SSBP3: variants seen among roughly 807,000 people sequenced by gnomAD.
SSBP3 encodes the protein single stranded DNA binding protein 3.
In SSBP3, 5 loss-of-function variants were observed where a neutral mutation model predicts 69.6. The observed-to-expected ratio is 0.07, with a 90% CI of 0.04 to 0.15. SSBP3 has a LOEUF of 0.15. Among genes scored for constraint, SSBP3 ranks in the 10% least tolerant of loss-of-function variants. The pLI is 1.00. For missense variants in SSBP3, 312 were observed against 534.0 expected (o/e 0.58, Z 4.10); for synonymous variants, 196 against 193.4 (o/e 1.01, Z -0.11).
In SSBP3 at chr1:54,255,167, G is replaced by GC. The variant is rs1203581168; in HGVS notation, c.507+1959_507+1960insG. ...TTCTATTGCGGGGGGGCGGGGGGGG[G>GC]GGTGGTTGGCAGGGAGGTTGGGAAA... On this transcript the variant is annotated intron_variant, in intron 7 of 17. Transcript: ENST00000610401. Among the ~76,000 whole-genome samples the GC allele has an allele frequency of 7.5e-4, 105 of 140,786 alleles. 1 individual carries two copies. Among genetic ancestry groups the GC allele is most frequent in the Middle Eastern group, 3.7e-3 (1 of 272 alleles). 92.4% of individuals were successfully genotyped at this position (140,786 alleles called of 152,430 possible).
At chr1:54,391,273 G>A (rs115469111) in intron 4 of SSBP3, among the ~76,000 whole-genome samples, 173 of 152,282 alleles carry the variant, frequency 1.1e-3, no homozygotes, top group African/African-American at 4.0e-3. Flanking sequence ...GAAAAAAGCC[G>A]GCCACTGTTT....
intron 4 of SSBP3, among the ~76,000 whole-genome samples, chr1:54,296,415 T>C (rs1645704409): frequency 6.6e-6 from 1 of 152,218 alleles, no homozygotes. Flanking sequence ...TTTGTCTAAC[T>C]CCATTTAAGG....
rs186803647 is a variant in SSBP3 at position 54,258,179 on chromosome 1, T to C, written c.367-30A>G. The C allele has an allele frequency of 3.3e-5, 50 of 1,536,396 alleles. No homozygotes were observed. Among genetic ancestry groups the C allele is most frequent in the Admixed American group, 1.3e-4 (6 of 46,112 alleles). On this transcript the variant is annotated intron_variant, in intron 5 of 17. Coordinates refer to ENST00000610401, the Ensembl canonical transcript of SSBP3. This position sits in a 1 kb window ranked among gnomAD's most constrained non-coding sequence, Gnocchi z 4.5. ...GAGGCCAGACAGTAGAGGCAGGTTA[T>C]AGATCACAGCACATGGAGAAGCGCA... is the stretch of plus-strand genomic sequence containing the variant.
chr1:54,293,056 C>G (rs1645636860), intron 4 of SSBP3, among the ~76,000 whole-genome samples: 1 of 152,034 alleles, frequency 6.6e-6, no homozygotes. Flanking sequence ...CTGCTTCTGA[C>G]CAAGACACAG....
intron 4 of SSBP3, among the ~76,000 whole-genome samples, chr1:54,369,763 T>C (rs1290852526): frequency 2.0e-5 from 3 of 152,170 alleles, no homozygotes; most frequent in African/African-American, 7.2e-5. Context: ...CAGAACAGAA[T>C]CAGATACTCA....
intron 13 of SSBP3, among the ~76,000 whole-genome samples, chr1:54,239,511 A>T (rs1644566396): frequency 6.6e-6 from 1 of 152,014 alleles, no homozygotes; most frequent in South Asian, 2.1e-4. Context: ...GGGGCAGCAG[A>T]ACCACCACCT....
At chr1:54,282,624 G>C (rs1022795058) in intron 4 of SSBP3, among the ~76,000 whole-genome samples, 3 of 152,180 alleles carry the variant, frequency 2.0e-5, no homozygotes, top group Non-Finnish European at 4.4e-5. Flanking sequence ...GCCTGGCCCC[G>C]TGCTCACACA....
At chr1:54,337,523 A>G (rs1299457404) in intron 4 of SSBP3, among the ~76,000 whole-genome samples, 25 of 71,748 alleles carry the variant, frequency 3.5e-4, no homozygotes, top group Admixed American at 4.6e-4. Context: ...TTTGAGATGG[A>G]GTCTCAGTCT....
intron 4 of SSBP3, among the ~76,000 whole-genome samples, chr1:54,323,903 A>T (rs1646256962): frequency 6.6e-6 from 1 of 152,198 alleles, no homozygotes; most frequent in South Asian, 2.1e-4. Flanking sequence ...AGCAGAATGC[A>T]GCAGGTATCC....
chr1:54,251,661 T>C (rs1230140287), exon 9 of SSBP3: 46 of 1,553,494 alleles, frequency 3.0e-5, no homozygotes, highest in Non-Finnish European at 4.0e-5. Flanking sequence ...GAGGGTTCAT[T>C]CTCTGCATTG....
chr1:54,364,488 C>G (rs1157578973), intron 4 of SSBP3, among the ~76,000 whole-genome samples: 2 of 152,190 alleles, frequency 1.3e-5, no homozygotes, highest in Non-Finnish European at 2.9e-5. Flanking sequence ...ACCTAGCACT[C>G]TGTTTAACAA....
At chr1:54,233,817 C>T (rs1171979823) in intron 14 of SSBP3, among the ~76,000 whole-genome samples, 1 of 152,222 alleles carries the variant, frequency 6.6e-6, no homozygotes, top group Non-Finnish European at 1.5e-5. Flanking sequence ...TGAGGGGCGC[C>T]TCTGCCCGGC....
intron 4 of SSBP3, among the ~76,000 whole-genome samples, chr1:54,400,960 A>C (rs1649247893): frequency 6.6e-6 from 1 of 152,228 alleles, no homozygotes; most frequent in Non-Finnish European, 1.5e-5. Flanking sequence ...ACAGAAGAGC[A>C]AGACCATTAG....
intron 4 of SSBP3, among the ~76,000 whole-genome samples, chr1:54,288,170 C>T (rs923064542): frequency 1.3e-5 from 2 of 152,142 alleles, no homozygotes; most frequent in Non-Finnish European, 2.9e-5. Flanking sequence ...AAAAGGATTG[C>T]CATAGGACCC....
chr1:54,280,414 A>G (rs1351943408), intron 5 of SSBP3, among the ~76,000 whole-genome samples: 1 of 152,200 alleles, frequency 6.6e-6, no homozygotes, highest in Non-Finnish European at 1.5e-5. Context: ...GTGTCCTTGG[A>G]CTTTGCCTCA....
intron 9 of SSBP3, among the ~76,000 whole-genome samples, chr1:54,250,284 C>A (rs1644803976): frequency 6.6e-6 from 1 of 152,214 alleles, no homozygotes; most frequent in African/African-American, 2.4e-5. Context: ...GATTATGGGG[C>A]TGGCAGAAGA....
At chr1:54,261,544 T>C (rs1482386126) in intron 5 of SSBP3, among the ~76,000 whole-genome samples, 3 of 151,930 alleles carry the variant, frequency 2.0e-5, no homozygotes, top group Non-Finnish European at 2.9e-5. Context: ...TGGTGGAAGG[T>C]GAGAGGAGGA....
intron 4 of SSBP3, among the ~76,000 whole-genome samples, chr1:54,352,952 C>T (rs1260629616): frequency 6.6e-6 from 1 of 152,204 alleles, no homozygotes; most frequent in Non-Finnish European, 1.5e-5. Flanking sequence ...CGACGCCGGG[C>T]CCCTCAACGG....
intron 4 of SSBP3, among the ~76,000 whole-genome samples, chr1:54,396,115 C>T (rs1396770886): frequency 6.8e-6 from 1 of 147,740 alleles, no homozygotes; most frequent in African/African-American, 2.5e-5. Context: ...TCACTTGAAC[C>T]CGGGAGGCGG....
Sources: gnomAD v4.1 joint callset for allele counts (sites outside exome capture counted in the v4.1 genomes callset) on GRCh38, gnomAD v4.1.1 for gene constraint, Gnocchi (gnomAD v3.1) non-coding constraint, MANE v1.5 for transcripts, NCBI Gene and HGNC (gene_info 2026-07-23, HGNC 2026-07-21) for gene names.